The following PEAK1 variants were observed in gnomAD, a reference collection of about 807,000 sequenced individuals.
The protein encoded by PEAK1 is inactive tyrosine-protein kinase PEAK1.
In PEAK1, 54 loss-of-function variants were observed where a neutral mutation model predicts 124.7. The observed-to-expected ratio is 0.43, with a 90% confidence interval of 0.35 to 0.54. The LOEUF is 0.54. PEAK1 is among the 20% of genes least tolerant of loss of function. PEAK1 has a pLI of 0.01. For missense variants in PEAK1, 2,046 were observed against 2,134.5 expected, an observed-to-expected ratio of 0.96 and a Z score of 0.82; for synonymous variants, 719 against 760.0, an observed-to-expected ratio of 0.95 and a Z score of 0.89.
chr15:77,334,951 A>C (rs2066107303), intron 2 of PEAK1: 1 of 985,270 alleles, frequency 1.0e-6, no homozygotes, highest in African/African-American at 1.7e-5. Flanking sequence ...TGAGAACACA[A>C]ATCTCAACAG....
intron 6 of PEAK1, among the ~76,000 whole-genome samples, chr15:77,193,936 G>T (rs2057981083): frequency 6.6e-6 from 1 of 152,132 alleles, no homozygotes; most frequent in Non-Finnish European, 1.5e-5. Flanking sequence ...TCCAGAGTTT[G>T]CCATATAACA....
intron 8 of PEAK1, among the ~76,000 whole-genome samples, chr15:77,141,891 G>A (rs976209801): frequency 6.6e-6 from 1 of 151,944 alleles, no homozygotes; most frequent in African/African-American, 2.4e-5. Context: ...AAAACTCTTA[G>A]AAAAAACGTA....
In PEAK1 at chr15:77,112,428, T is replaced by C. The variant is rs2051029874; in HGVS notation, c.*1728A>G. The C allele has an allele frequency of 6.6e-6, 1 of 152,238 alleles. No homozygotes were observed. Among genetic ancestry groups the C allele is most frequent in the African/African-American group, 2.4e-5 (1 of 41,460 alleles). 9.4% of individuals were successfully genotyped at this position (152,238 alleles called of 1,614,324 possible). On this transcript the variant is annotated 3_prime_UTR_variant, in exon 10 of 10. Coordinates refer to ENST00000682557, the MANE Select transcript of PEAK1 (RefSeq NM_001385026.1). ...TTTAAGGAAACTCTGCACTGGTAGATGAGGGGCCTCAGGGCTCACTCACTC... is the reference window on the plus strand; with the variant it reads ...TTTAAGGAAACTCTGCACTGGTAGACGAGGGGCCTCAGGGCTCACTCACTC...
chr15:77,113,725 G>T lies in PEAK1; in HGVS notation c.*431C>A. ...CTGTTGTCAGAGTCTACTGGGTCGT[G>T]GTAGAGACTGGTTAAGTCTGTCTAC... On this transcript the variant is annotated 3_prime_UTR_variant, in exon 10 of 10. Transcript: ENST00000682557. 5.7e-6 allele frequency: 1 copy of T among 175,726 alleles called. No individual in the cohort carries two copies. Among genetic ancestry groups the T allele is most frequent in the Non-Finnish European group, 1.2e-5 (1 of 81,646 alleles). 10.9% of individuals were successfully genotyped at this position (175,726 alleles called of 1,614,324 possible).
At chr15:77,137,778 G>C (rs1475855681) in intron 8 of PEAK1, among the ~76,000 whole-genome samples, 3 of 152,182 alleles carry the variant, frequency 2.0e-5, no homozygotes, top group Non-Finnish European at 4.4e-5. Flanking sequence ...TTAGGGGACT[G>C]TTGGAAAGGC....
chr15:77,158,567 A>T lies in PEAK1; in HGVS notation c.3267T>A (p.Asp1089Glu), dbSNP rs1222017229. The stretch of plus-strand genomic sequence containing the variant: ...TAGGATCTGAAATGTCTTCTTTTCC[A>T]TCTTCCCTTTCCAGTTCAGGTAGGG... The part of the protein sequence containing the change: ...ALSLPELERE[D>E]GKEDISDPMD... Residue 1089 changes from aspartate (D) to glutamate (E), a missense_variant, in exon 8 of 10, where the codon GAT becomes GAA. Coordinates refer to ENST00000682557, the MANE Select transcript of PEAK1 (RefSeq NM_001385026.1). 6.2e-7 allele frequency: 1 copy of T among 1,614,162 alleles called. No individual in the cohort carries two copies. Among genetic ancestry groups the T allele is most frequent in the East Asian group, 2.2e-5 (1 of 44,886 alleles).
chr15:77,183,214 T>C (rs906246703), intron 6 of PEAK1, among the ~76,000 whole-genome samples: 8 of 152,202 alleles, frequency 5.3e-5, no homozygotes, highest in African/African-American at 1.9e-4. Context: ...TAAAGCTCCA[T>C]TGGAACGCCA....
At chr15:77,155,252 T>C (rs564304333) in intron 8 of PEAK1, 85 of 152,360 alleles carry the variant, frequency 5.6e-4, no homozygotes, top group African/African-American at 2.0e-3. Context: ...CCATCACTGA[T>C]ACCCTTTCTT....
chr15:77,221,655 C>T (rs1418504904), intron 6 of PEAK1, among the ~76,000 whole-genome samples: 1 of 151,968 alleles, frequency 6.6e-6, no homozygotes, highest in Non-Finnish European at 1.5e-5. Flanking sequence ...ACTGGGCAAA[C>T]ATTTTAGGCA....
intron 5 of PEAK1, among the ~76,000 whole-genome samples, chr15:77,256,224 G>A (rs2061124987): frequency 6.6e-6 from 1 of 152,110 alleles, no homozygotes; most frequent in African/African-American, 2.4e-5. Context: ...AATATAAAAT[G>A]TGCAGGCTTG....
chr15:77,302,159 C>T (rs138536887), intron 2 of PEAK1, among the ~76,000 whole-genome samples: 2 of 152,218 alleles, frequency 1.3e-5, no homozygotes, highest in Admixed American at 1.3e-4. Flanking sequence ...ATCCTGATTC[C>T]TAACATTGGA....
intron 2 of PEAK1, among the ~76,000 whole-genome samples, chr15:77,351,479 T>C (rs2067206146): frequency 6.6e-6 from 1 of 152,210 alleles, no homozygotes; most frequent in South Asian, 2.1e-4. Flanking sequence ...ATAGGGTATA[T>C]GCCGTAAATG....
chr15:77,354,332 G>C (rs2067375933), intron 2 of PEAK1, among the ~76,000 whole-genome samples: 1 of 152,100 alleles, frequency 6.6e-6, no homozygotes. Flanking sequence ...TATTTAATTA[G>C]TCACCAATTT....
At chr15:77,140,944 C>T (rs1252323290) in intron 8 of PEAK1, among the ~76,000 whole-genome samples, 1 of 152,072 alleles carries the variant, frequency 6.6e-6, no homozygotes, top group East Asian at 1.9e-4. Flanking sequence ...CTCAAGTGAC[C>T]TGCCTGCCTT....
At chr15:77,344,259 T>C (rs1244823899) in intron 2 of PEAK1, among the ~76,000 whole-genome samples, 2 of 152,142 alleles carry the variant, frequency 1.3e-5, no homozygotes, top group East Asian at 1.9e-4. Flanking sequence ...CACGCCCGGC[T>C]AATTTTTTGT....
intron 2 of PEAK1, chr15:77,337,827 G>A (rs1439581521): frequency 1.0e-6 from 1 of 985,122 alleles, no homozygotes; most frequent in Non-Finnish European, 1.2e-6. Flanking sequence ...AGCGTTTCAT[G>A]CAATAGAGCT....
intron 8 of PEAK1, among the ~76,000 whole-genome samples, chr15:77,147,925 C>A (rs547441961): frequency 6.6e-6 from 1 of 152,220 alleles, no homozygotes; most frequent in Admixed American, 6.5e-5. Context: ...TATCTACATG[C>A]GGCTACTAGG....
At position 77,180,216 on chromosome 15, in the gene PEAK1, T is replaced by A. The variant is rs368382628; in HGVS notation, c.1711A>T (p.Thr571Ser). The change falls in exon 7 of 10, where the codon ACA (threonine) becomes TCA (serine). Residue 571 changes from threonine to serine, a missense_variant. Thr to Ser is a moderately conservative substitution (Grantham distance 58, BLOSUM62 1). Transcript: ENST00000682557. ...GAAATGTTTGTAGCTGTGGGTGATG[T>A]AGGTGCTGATTTGTGACAGTTTTTC... ...PRKNCHKSAPTSPTATNISSK... is the reference protein window; with the variant it reads ...PRKNCHKSAPSSPTATNISSK... 6.2e-7 allele frequency: 1 copy of A among 1,614,176 alleles called. No homozygotes were observed. The highest frequency in any genetic ancestry group is 2.2e-5 in the East Asian group (1 of 44,890).
intron 2 of PEAK1, among the ~76,000 whole-genome samples, chr15:77,291,531 C>T (rs1415193591): frequency 1.3e-5 from 2 of 152,136 alleles, no homozygotes; most frequent in Non-Finnish European, 1.5e-5. Flanking sequence ...CTCAAGTGTG[C>T]TATAGAGGAT....
Sources: gnomAD v4.1 joint callset for allele counts (sites outside exome capture counted in the v4.1 genomes callset) on GRCh38, gnomAD v4.1.1 for gene constraint, MANE v1.5 for transcripts, NCBI Gene and HGNC (gene_info 2026-07-23, HGNC 2026-07-21) for gene names.